Variants in FRMD3 observed in about 807,000 individuals in gnomAD.
The protein encoded by FRMD3 is FERM domain-containing protein 3.
FRMD3 carries 33 observed loss-of-function variants against 70.2 expected under a neutral mutation model. The ratio of observed to expected loss-of-function variants is 0.47; its 90% confidence interval spans 0.36 to 0.63. FRMD3 has a LOEUF of 0.63. Among genes scored for constraint, FRMD3 ranks in the 20% least tolerant of loss-of-function variants. The pLI, the probability that FRMD3 is intolerant of heterozygous loss-of-function variation, is 0.00. For synonymous variants in FRMD3, 279 were observed against 255.9 expected, an observed-to-expected ratio of 1.09 and a Z score of -0.86; for missense variants, 632 against 711.4, an observed-to-expected ratio of 0.89 and a Z score of 1.27.
rs1832096753 is a variant in FRMD3 at position 83,246,364 on chromosome 9, A to C, written c.*1554T>G. ...AAGGCATCAGTACGTTGCTGATGGT[A>C]CAATGCTCTAGTACCTTCCTTGATA... On this transcript the variant is annotated 3_prime_UTR_variant, in exon 14 of 14. Transcript: ENST00000304195. 3 of 984,376 alleles carry C rather than the reference A, an allele frequency of 3.0e-6. No homozygotes were observed. The highest frequency in any genetic ancestry group is 3.6e-6 in the Non-Finnish European group (3 of 829,070). 61.0% of individuals were successfully genotyped at this position (984,376 alleles called of 1,614,324 possible).
At chr9:83,303,800 G>A (rs796604839) in intron 10 of FRMD3, among the ~76,000 whole-genome samples, 28 of 152,198 alleles carry the variant, frequency 1.8e-4, no homozygotes, top group Admixed American at 5.9e-4. Flanking sequence ...AAGAAATTAC[G>A]AAAATCAATC....
chr9:83,528,676 C>T (rs767087385), intron 1 of FRMD3, among the ~76,000 whole-genome samples: 7 of 152,026 alleles, frequency 4.6e-5, no homozygotes, highest in South Asian at 2.1e-4. Flanking sequence ...ACTACAGGCA[C>T]GCACCAAGCC....
chr9:83,436,420 A>G (rs1256591100), intron 1 of FRMD3, among the ~76,000 whole-genome samples: 1 of 151,112 alleles, frequency 6.6e-6, no homozygotes, highest in East Asian at 1.9e-4. Flanking sequence ...GTCCAAATTA[A>G]TCACACATTT....
At chr9:83,354,420 A>G (rs566533139) in intron 3 of FRMD3, among the ~76,000 whole-genome samples, 1 of 152,374 alleles carries the variant, frequency 6.6e-6, no homozygotes, top group East Asian at 1.9e-4. Flanking sequence ...CAAACACTGC[A>G]TGTTCTCACT....
At chr9:83,562,407 G>A in the FRMD3 span, among the ~76,000 whole-genome samples, 1 of 152,180 alleles carries the variant, frequency 6.6e-6, no homozygotes, top group Non-Finnish European at 1.5e-5. Flanking sequence ...GCAGCTGGAA[G>A]GACTCTCCCT....
intron 3 of FRMD3, among the ~76,000 whole-genome samples, chr9:83,362,817 TCCCTCCTTCCTTCCC>T (rs1346754504): frequency 8.5e-6 from 1 of 118,182 alleles, no homozygotes; most frequent in African/African-American, 3.2e-5. Context: ...CTTCCTTCCC[TCCCTCCTTCCTTCCC>T]TCCCTCCTTC....
At chr9:83,410,904 A>T (rs1306108541) in intron 1 of FRMD3, among the ~76,000 whole-genome samples, 1 of 152,198 alleles carries the variant, frequency 6.6e-6, no homozygotes, top group African/African-American at 2.4e-5. Flanking sequence ...GAATGAGGCC[A>T]GGCCAGCTCA....
At chr9:83,450,230 G>GAC (rs954614825) in intron 1 of FRMD3, among the ~76,000 whole-genome samples, 3 of 141,710 alleles carry the variant, frequency 2.1e-5, no homozygotes, top group Non-Finnish European at 3.1e-5. Context: ...CACACACACA[G>GAC]ACACACACAC....
At chr9:83,257,437 T>C (rs1832763739) in intron 13 of FRMD3, among the ~76,000 whole-genome samples, 1 of 152,072 alleles carries the variant, frequency 6.6e-6, no homozygotes, top group South Asian at 2.1e-4. Flanking sequence ...TGGGATGACC[T>C]GTGTAGCAAA....
intron 3 of FRMD3, among the ~76,000 whole-genome samples, chr9:83,362,949 TTC>T (rs1012403081): frequency 1.2e-4 from 18 of 145,084 alleles, no homozygotes; most frequent in Admixed American, 2.7e-4. Context: ...CTTCCTTGCT[TTC>T]TTTCTTCCTT....
At chr9:83,507,084 G>C (rs1829198436) in intron 1 of FRMD3, among the ~76,000 whole-genome samples, 1 of 152,160 alleles carries the variant, frequency 6.6e-6, no homozygotes, top group Non-Finnish European at 1.5e-5. Context: ...ATATCGACCA[G>C]GTGCAGTGGC....
chr9:83,393,422 G>A (rs538299869), intron 1 of FRMD3, among the ~76,000 whole-genome samples: 70 of 152,266 alleles, frequency 4.6e-4, no homozygotes, highest in Admixed American at 9.8e-4. Context: ...CCAGTTTCAC[G>A]GAAGATAATT....
At chr9:83,270,843 ATT>A (rs36067089) in intron 13 of FRMD3, among the ~76,000 whole-genome samples, 15 of 143,726 alleles carry the variant, frequency 1.0e-4, no homozygotes, top group African/African-American at 1.0e-4. Flanking sequence ...ATACATGGTC[ATT>A]TTTTTTTTTT....
At chr9:83,536,492 A>G (rs1829895558) in intron 1 of FRMD3, among the ~76,000 whole-genome samples, 1 of 152,206 alleles carries the variant, frequency 6.6e-6, no homozygotes, top group African/African-American at 2.4e-5. Flanking sequence ...CACCCACTTT[A>G]GGACTTAAAG....
At position 83,247,918 on chromosome 9, in the gene FRMD3, T is replaced by C. The variant is rs1008976663; in HGVS notation, c.1794A>G (p.Ter598TrpextTer2). The C allele has an allele frequency of 1.2e-6, 2 of 1,612,866 alleles. No homozygotes were observed. Among genetic ancestry groups the C allele is most frequent in the African/African-American group, 2.7e-5 (2 of 74,884 alleles). ...CCCTTAGTCACGTGAGAGATTAACTTCATGAGCAACCCAGCATGTAGAGGA... is the reference window on the plus strand; with the variant it reads ...CCCTTAGTCACGTGAGAGATTAACTCCATGAGCAACCCAGCATGTAGAGGA... ...HLILYMLGCS[*>W] is the part of the protein sequence containing the mutation. The change falls in exon 14 of 14, where the codon TGA becomes TGG. Residue 598 changes from the stop codon to tryptophan (W), a stop_lost. Coordinates refer to ENST00000304195, the MANE Select transcript of FRMD3 (RefSeq NM_174938.6).
intron 1 of FRMD3, among the ~76,000 whole-genome samples, chr9:83,443,475 CT>C (rs1203425713): frequency 6.6e-6 from 1 of 152,126 alleles, no homozygotes; most frequent in Non-Finnish European, 1.5e-5. Flanking sequence ...TGAACTCATC[CT>C]TTTTTATGGC....
chr9:83,520,970 CAAAAA>C (rs144061788), intron 1 of FRMD3, among the ~76,000 whole-genome samples: 2 of 56,124 alleles, frequency 3.6e-5, no homozygotes, highest in African/African-American at 1.3e-4. Context: ...ACTAAAAATA[CAAAAA>C]AAAAAAAAAA....
At chr9:83,325,951 T>C (rs1835998337) in intron 6 of FRMD3, among the ~76,000 whole-genome samples, 1 of 152,212 alleles carries the variant, frequency 6.6e-6, no homozygotes, top group Admixed American at 6.5e-5. Flanking sequence ...CACACCCACT[T>C]ATCTGCATAT....
intron 1 of FRMD3, among the ~76,000 whole-genome samples, chr9:83,436,047 A>G (rs1285153244): frequency 6.6e-6 from 1 of 152,174 alleles, no homozygotes; most frequent in East Asian, 1.9e-4. Flanking sequence ...CAGGAAAATC[A>G]TGGTGCATCA....
Sources: allele counts gnomAD v4.1 joint callset (sites outside exome capture counted in the v4.1 genomes callset), GRCh38; gene constraint gnomAD v4.1.1; transcripts MANE v1.5; gene names NCBI Gene and HGNC (gene_info 2026-07-23, HGNC 2026-07-21).